Variants in CACNG2 observed in about 807,000 individuals in gnomAD.
CACNG2 encodes the protein calcium voltage-gated channel auxiliary subunit gamma 2, also known as voltage-dependent calcium channel gamma-2 subunit.
Under a neutral mutation model 25.9 loss-of-function variants are expected in CACNG2, and 3 were observed. The ratio of observed to expected loss-of-function variants is 0.12; its 90% CI spans 0.05 to 0.30. The LOEUF is 0.30. Ranked by LOEUF, CACNG2 falls within the 10% of genes least tolerant of loss-of-function variation. The probability of loss-of-function intolerance (pLI) is 1.00; values close to 1 mark genes in which losing one functional copy is unlikely to be tolerated. For missense variants in CACNG2, 341 were observed against 432.5 expected (o/e 0.79, Z 1.88); for synonymous variants, 167 against 173.3 (o/e 0.96, Z 0.29).
chr22:36,701,311 A>G (rs1216279952), intron 1 of CACNG2, among the ~76,000 whole-genome samples: 2 of 152,330 alleles, frequency 1.3e-5, no homozygotes, highest in East Asian at 3.9e-4. Context: ...GCAGTCCCTC[A>G]TACTAAAGTC....
At chr22:36,593,532 G>A (rs1005488559) in intron 1 of CACNG2, among the ~76,000 whole-genome samples, 3 of 152,168 alleles carry the variant, frequency 2.0e-5, no homozygotes, top group Non-Finnish European at 2.9e-5. Flanking sequence ...TTGCAGGGGC[G>A]GTGGTGTCCT....
At chr22:36,689,422 A>G (rs1367683818) in intron 1 of CACNG2, among the ~76,000 whole-genome samples, 1 of 152,214 alleles carries the variant, frequency 6.6e-6, no homozygotes, top group Non-Finnish European at 1.5e-5. Flanking sequence ...GGCAAGAGAG[A>G]CTGGGAAGAG....
intron 2 of CACNG2, among the ~76,000 whole-genome samples, chr22:36,569,276 GA>G (rs916300153): frequency 8.5e-5 from 13 of 152,116 alleles, no homozygotes; most frequent in African/African-American, 2.9e-4. Flanking sequence ...TTACAGACAA[GA>G]AAATTGAGGT....
intron 1 of CACNG2, among the ~76,000 whole-genome samples, chr22:36,671,371 G>T (rs919151468): frequency 1.3e-5 from 2 of 152,118 alleles, no homozygotes; most frequent in Admixed American, 6.5e-5. Flanking sequence ...TACTCCCCTT[G>T]GATTTGACTC....
chr22:36,619,937 A>G (rs1272719940), intron 1 of CACNG2, among the ~76,000 whole-genome samples: 1 of 152,284 alleles, frequency 6.6e-6, no homozygotes, highest in Admixed American at 6.5e-5. Context: ...ACTTGGGGTC[A>G]TCGCTTTGTG....
intron 1 of CACNG2, among the ~76,000 whole-genome samples, chr22:36,646,634 C>T (rs1223911419): frequency 6.6e-6 from 1 of 151,902 alleles, no homozygotes; most frequent in Non-Finnish European, 1.5e-5. Flanking sequence ...TCTTATTCCT[C>T]AACAGACGCT....
At position 36,578,918 on chromosome 22, in the gene CACNG2, TG is replaced by T. The variant is rs143855942; in HGVS notation, c.295+8546del. ...GTGTCCTCAAGCTGTTCACAGTCCG[TG>T]GGGAGAAGATTCCGTAACAGAAACC... On this transcript the variant is annotated intron_variant, in intron 2 of 3. Coordinates refer to ENST00000300105, the MANE Select transcript of CACNG2 (RefSeq NM_006078.5). 2.0e-5 allele frequency among the ~76,000 whole-genome samples: 3 copies of T among 152,226 alleles called. No homozygotes were observed. The East Asian group carries it at 5.8e-4, about 29-fold the overall frequency.
chr22:36,564,117 T>G lies in CACNG2; in HGVS notation c.*234A>C. On this transcript the variant is annotated 3_prime_UTR_variant, in exon 4 of 4. Transcript: ENST00000300105. The surrounding 1 kb of genome is among the most constrained non-coding windows in gnomAD (Gnocchi z 6.7). ...CGTTTATATTTTCCCACATTTCCTG[T>G]TGTTTTGCTTCTTTGTTCCTCTTAT... is the stretch of plus-strand genomic sequence containing the variant. The G allele has an allele frequency of 1.0e-5, 4 of 382,784 alleles. No individual in the cohort carries two copies. The highest frequency in any genetic ancestry group is 4.7e-6 in the Non-Finnish European group (1 of 214,990). 23.7% of individuals were successfully genotyped at this position (382,784 alleles called of 1,614,324 possible).
chr22:36,694,185 CT>C (rs1937303314), intron 1 of CACNG2, among the ~76,000 whole-genome samples: 1 of 152,162 alleles, frequency 6.6e-6, no homozygotes, highest in Non-Finnish European at 1.5e-5. Flanking sequence ...TGACCGTCTT[CT>C]TTTGATTCTA....
chr22:36,614,586 C>G (rs1935995749), intron 1 of CACNG2, among the ~76,000 whole-genome samples: 7 of 152,172 alleles, frequency 4.6e-5, no homozygotes, highest in Admixed American at 4.6e-4. Flanking sequence ...GCAGAGGCAG[C>G]CTGTCCACCC....
intron 1 of CACNG2, among the ~76,000 whole-genome samples, chr22:36,673,517 G>A (rs1034959786): frequency 1.3e-5 from 2 of 152,140 alleles, no homozygotes; most frequent in Admixed American, 1.3e-4. Flanking sequence ...TGTGAAAATG[G>A]TGCCTCCATG....
intron 1 of CACNG2, among the ~76,000 whole-genome samples, chr22:36,623,422 C>T (rs555223701): frequency 2.6e-5 from 4 of 152,254 alleles, no homozygotes; most frequent in African/African-American, 4.8e-5. Context: ...CAGAGAGCCT[C>T]GACTAAAACC....
At chr22:36,635,283 CAA>C (rs138390510) in intron 1 of CACNG2, among the ~76,000 whole-genome samples, 27 of 67,562 alleles carry the variant, frequency 4.0e-4, no homozygotes, top group Non-Finnish European at 4.5e-4. Flanking sequence ...GACCCCGTCT[CAA>C]AAAAAAAAAA....
At chr22:36,594,945 T>A (rs1048810752) in intron 1 of CACNG2, among the ~76,000 whole-genome samples, 4 of 151,444 alleles carry the variant, frequency 2.6e-5, no homozygotes, top group African/African-American at 9.7e-5. Flanking sequence ...TGTTTGTGTG[T>A]GTCTGTGTCT....
chr22:36,659,798 G>C (rs547367307), intron 1 of CACNG2, among the ~76,000 whole-genome samples: 4 of 152,178 alleles, frequency 2.6e-5, no homozygotes, highest in Non-Finnish European at 5.9e-5. Context: ...CAGCCAGATG[G>C]AACACCTTGA....
chr22:36,680,813 C>T (rs1258659085), intron 1 of CACNG2, among the ~76,000 whole-genome samples: 1 of 148,304 alleles, frequency 6.7e-6, no homozygotes, highest in Non-Finnish European at 1.5e-5. Context: ...TCACCACCAC[C>T]TTCATGATTA....
chr22:36,669,594 C>T (rs1419260959), intron 1 of CACNG2, among the ~76,000 whole-genome samples: 1 of 150,024 alleles, frequency 6.7e-6, no homozygotes, highest in Non-Finnish European at 1.5e-5. Context: ...GAATGTTTGG[C>T]TTCTCAGTGA....
At chr22:36,698,807 G>A (rs534640162) in intron 1 of CACNG2, among the ~76,000 whole-genome samples, 3 of 152,270 alleles carry the variant, frequency 2.0e-5, no homozygotes, top group African/African-American at 7.2e-5. Flanking sequence ...TTCCTCTACA[G>A]GCCACATTAT....
chr22:36,577,832 G>A (rs529002393), intron 2 of CACNG2, among the ~76,000 whole-genome samples: 9 of 152,110 alleles, frequency 5.9e-5, no homozygotes, highest in South Asian at 2.1e-4. Flanking sequence ...AGTTTTAGCC[G>A]CACTGGTTGT....
Sources: gnomAD v4.1 joint callset for allele counts (sites outside exome capture counted in the v4.1 genomes callset) on GRCh38, gnomAD v4.1.1 for gene constraint, Gnocchi (gnomAD v3.1) non-coding constraint, MANE v1.5 for transcripts, NCBI Gene and HGNC (gene_info 2026-07-23, HGNC 2026-07-21) for gene names.